DAB1: variants seen among roughly 807,000 people sequenced by gnomAD.
The protein encoded by DAB1 is disabled homolog 1.
DAB1 carries 15 observed loss-of-function variants against 64.6 expected under a neutral mutation model. The ratio of observed to expected loss-of-function variants is 0.23; its 90% CI spans 0.16 to 0.36. DAB1 has a LOEUF of 0.36. DAB1 is among the 10% of genes least tolerant of loss of function. DAB1 has a pLI of 1.00. For missense variants in DAB1, 596 were observed against 706.7 expected, an observed-to-expected ratio of 0.84 and a Z score of 1.78; for synonymous variants, 235 against 251.9, an observed-to-expected ratio of 0.93 and a Z score of 0.64.
intron 6 of DAB1, among the ~76,000 whole-genome samples, chr1:57,785,173 T>C (rs1327458433): frequency 1.3e-5 from 2 of 152,128 alleles, no homozygotes. Context: ...TTAAGCCCAC[T>C]GTTGGGACTT....
intron 4 of DAB1, among the ~76,000 whole-genome samples, chr1:58,281,156 C>T (rs954055574): frequency 3.3e-5 from 5 of 152,178 alleles, no homozygotes; most frequent in Admixed American, 6.5e-5. Flanking sequence ...GACATCATGA[C>T]GGAAGGGAAT....
chr1:57,705,159 G>T (rs3126028), intron 6 of DAB1, among the ~76,000 whole-genome samples: 9 of 151,902 alleles, frequency 5.9e-5, no homozygotes, highest in African/African-American at 1.9e-4. Flanking sequence ...TAAATGCATA[G>T]GCTAAGAGCC....
In DAB1 at chr1:57,834,856, T is replaced by G. The variant is rs542817261; in HGVS notation, n.88-8401A>C. On this transcript the variant is annotated intron_variant and non_coding_transcript_variant, in intron 1 of 1. Transcript: ENST00000477280. ...GGCTGAGGCCAACCTTGTCCTCCTGTGTGGTCAACTGAAGTGTATTTCAGG... is the reference window on the plus strand; with the variant it reads ...GGCTGAGGCCAACCTTGTCCTCCTGGGTGGTCAACTGAAGTGTATTTCAGG... Among the ~76,000 whole-genome samples the G allele has an allele frequency of 3.9e-5, 6 of 152,144 alleles. No individual in the cohort carries two copies. In the South Asian group the frequency reaches 1.2e-3, roughly 32 times the overall value.
chr1:58,517,541 C>G (rs534130775), intron 2 of DAB1, among the ~76,000 whole-genome samples: 2 of 152,150 alleles, frequency 1.3e-5, no homozygotes, highest in South Asian at 4.1e-4. Context: ...TTGAGAGATC[C>G]CTCAAGTTAC....
intron 4 of DAB1, among the ~76,000 whole-genome samples, chr1:58,175,061 C>T (rs1169620912): frequency 3.9e-5 from 6 of 152,328 alleles, no homozygotes; most frequent in Admixed American, 3.3e-4. Flanking sequence ...GCAACCTGCT[C>T]GGGTCCCCCT....
At chr1:57,624,031 G>C (rs1409237642) in intron 7 of DAB1, among the ~76,000 whole-genome samples, 2 of 152,208 alleles carry the variant, frequency 1.3e-5, no homozygotes, top group East Asian at 3.9e-4. Flanking sequence ...AATGACTAGA[G>C]AGTCTCTCTG....
At chr1:57,798,709 T>G (rs1356335747) in intron 6 of DAB1, among the ~76,000 whole-genome samples, 1 of 152,212 alleles carries the variant, frequency 6.6e-6, no homozygotes, top group African/African-American at 2.4e-5. Context: ...TTTAATATGA[T>G]AAGTCCTTCA....
intron 3 of DAB1, among the ~76,000 whole-genome samples, chr1:58,347,617 T>C (rs983986820): frequency 1.3e-5 from 2 of 152,206 alleles, no homozygotes; most frequent in Non-Finnish European, 2.9e-5. Flanking sequence ...GAGCTTGATA[T>C]GCAGGAAATT....
intron 4 of DAB1, among the ~76,000 whole-genome samples, chr1:58,307,960 C>T (rs1662343590): frequency 6.6e-6 from 1 of 152,010 alleles, no homozygotes; most frequent in African/African-American, 2.4e-5. Context: ...ACGGAGAGGT[C>T]CACAGAGGCA....
chr1:57,404,762 G>A (rs1350524244), intron 1 of DAB1, among the ~76,000 whole-genome samples: 2 of 152,112 alleles, frequency 1.3e-5, no homozygotes, highest in South Asian at 4.1e-4. Flanking sequence ...AACACTAGAA[G>A]TTTTCATATT....
intron 7 of DAB1, among the ~76,000 whole-genome samples, chr1:57,529,367 T>G (rs2793627): frequency 0.72 from 109,986 of 151,914 alleles, 39,965 homozygotes; most frequent in South Asian, 0.8. Context: ...ATGAAAGATT[T>G]AAATCCAACT....
chr1:58,474,831 C>T (rs1341433879), intron 3 of DAB1, among the ~76,000 whole-genome samples: 1 of 152,234 alleles, frequency 6.6e-6, no homozygotes, highest in East Asian at 1.9e-4. Context: ...CCTAGCTAAA[C>T]TCCTGGATTA....
At chr1:58,405,900 G>C (rs888473383) in intron 3 of DAB1, among the ~76,000 whole-genome samples, 3 of 152,096 alleles carry the variant, frequency 2.0e-5, no homozygotes, top group African/African-American at 4.8e-5. Flanking sequence ...TAGGATGCTG[G>C]GGACTGACCG....
At chr1:57,586,346 T>G (rs114107476) in intron 7 of DAB1, among the ~76,000 whole-genome samples, 2,224 of 152,308 alleles carry the variant, frequency 0.015, 70 homozygotes, top group African/African-American at 0.047. Context: ...CCTCCACATG[T>G]GTCCCCACAG....
chr1:57,392,270 G>A (rs1402349875), intron 1 of DAB1, among the ~76,000 whole-genome samples: 1 of 152,186 alleles, frequency 6.6e-6, no homozygotes. Flanking sequence ...CTTCTTGGGA[G>A]GCTAAGGCAG....
At chr1:57,136,860 T>G (rs1658171147) in intron 3 of DAB1, among the ~76,000 whole-genome samples, 1 of 152,136 alleles carries the variant, frequency 6.6e-6, no homozygotes, top group Non-Finnish European at 1.5e-5. Context: ...TAGAGAAATA[T>G]TTGAATGTTC....
upstream of DAB1, among the ~76,000 whole-genome samples, chr1:57,887,866 A>C (rs1217020037): frequency 1.3e-5 from 2 of 152,190 alleles, no homozygotes; most frequent in African/African-American, 4.8e-5. Flanking sequence ...TGTATTTAAC[A>C]AGCTGAAGTT....
intron 1 of DAB1, among the ~76,000 whole-genome samples, chr1:57,359,053 G>A (rs1479537146): frequency 6.6e-6 from 1 of 151,878 alleles, no homozygotes; most frequent in African/African-American, 2.4e-5. Flanking sequence ...AGGACTTTTT[G>A]GATAAGATCT....
chr1:57,935,726 AAAC>A (rs142373036), intron 5 of DAB1, among the ~76,000 whole-genome samples: 13 of 151,972 alleles, frequency 8.6e-5, no homozygotes, highest in East Asian at 5.8e-4. Context: ...AAATAAAAAC[AAAC>A]AACAACAACA....
Sources: gnomAD v4.1 joint callset for allele counts (sites outside exome capture counted in the v4.1 genomes callset) on GRCh38, gnomAD v4.1.1 for gene constraint, MANE v1.5 for transcripts, NCBI Gene and HGNC (gene_info 2026-07-23, HGNC 2026-07-21) for gene names.